The following MYO3B variants were observed in gnomAD, a reference collection of about 807,000 sequenced individuals.
MYO3B encodes myosin IIIB.
MYO3B carries 156 observed loss-of-function variants against 174.6 expected under a neutral mutation model. That is an observed-to-expected ratio of 0.89 (90% CI 0.78 to 1.02). The LOEUF (loss-of-function observed/expected upper bound fraction) is 1.02. MYO3B is among the 50% of genes least tolerant of loss of function. The pLI is 0.00. For synonymous variants in MYO3B, 563 were observed against 569.1 expected (o/e 0.99, Z 0.15); for missense variants, 1,632 against 1,639.4 (o/e 1.00, Z 0.08).
chr2:170,261,041 G>T (rs571968392), intron 7 of MYO3B, among the ~76,000 whole-genome samples: 1 of 151,824 alleles, frequency 6.6e-6, no homozygotes, highest in African/African-American at 2.4e-5. Context: ...TTTTTGTTTT[G>T]AGACGGAGTT....
chr2:170,460,006 C>T (rs1316970940), intron 23 of MYO3B, among the ~76,000 whole-genome samples: 2 of 152,210 alleles, frequency 1.3e-5, no homozygotes, highest in South Asian at 2.1e-4. Flanking sequence ...CGTACCTCTC[C>T]CTCTTTACCT....
intron 1 of MYO3B, among the ~76,000 whole-genome samples, chr2:170,179,714 C>G (rs1003746937): frequency 5.3e-5 from 8 of 152,126 alleles, no homozygotes; most frequent in African/African-American, 1.4e-4. Context: ...GCCAAATAAA[C>G]TTCTATTGTT....
At chr2:170,651,862 TA>T in intron 33 of MYO3B, 128 bp downstream of exon 33, 1 of 627,538 alleles carries the variant, frequency 1.6e-6, no homozygotes, top group Non-Finnish European at 2.7e-6. Flanking sequence ...AACATGTGCT[TA>T]GGCTCTTTAT....
At chr2:170,462,329 T>G (rs187406074) in intron 23 of MYO3B, among the ~76,000 whole-genome samples, 122 of 152,364 alleles carry the variant, frequency 8.0e-4, no homozygotes, top group African/African-American at 2.9e-3. Context: ...TTTGAAAACT[T>G]AGCTCCATGT....
chr2:170,544,019 T>C, intron 32 of MYO3B, 31 bp downstream of exon 32: 1 of 1,491,246 alleles, frequency 6.7e-7, no homozygotes, highest in Non-Finnish European at 9.3e-7. Context: ...TGCATGCGGC[T>C]TCTACCATTT....
intron 16 of MYO3B, among the ~76,000 whole-genome samples, chr2:170,396,854 G>A (rs1048987207): frequency 4.6e-5 from 7 of 152,180 alleles, no homozygotes; most frequent in African/African-American, 1.7e-4. Flanking sequence ...TTTGTGTGAT[G>A]TGTGTTTTAA....
chr2:170,557,543 T>C (rs1193155933), intron 32 of MYO3B, among the ~76,000 whole-genome samples: 1 of 152,186 alleles, frequency 6.6e-6, no homozygotes, highest in East Asian at 1.9e-4. Context: ...AATATACCTT[T>C]ATTCCTCATT....
At chr2:170,195,406 G>T (rs73025158) in intron 1 of MYO3B, among the ~76,000 whole-genome samples, 9,372 of 152,068 alleles carry the variant, frequency 0.062, 686 homozygotes, top group East Asian at 0.3. Context: ...GAGGAATTCA[G>T]CTTGGGGTGG....
chr2:170,300,072 C>G (rs1476850564), intron 7 of MYO3B, among the ~76,000 whole-genome samples: 2 of 152,154 alleles, frequency 1.3e-5, no homozygotes, highest in Non-Finnish European at 2.9e-5. Context: ...ATCCTCACAC[C>G]CGCTCTGAGA....
intron 32 of MYO3B, among the ~76,000 whole-genome samples, chr2:170,595,636 G>A (rs370649294): frequency 6.6e-6 from 1 of 152,062 alleles, no homozygotes; most frequent in African/African-American, 2.4e-5. Context: ...ATGGGGTCTC[G>A]TCATGTTGCC....
Position 170,652,994 on chromosome 2 carries a change from T to C in MYO3B, c.3899T>C (p.Val1300Ala). The change falls in exon 35 of 35, where the codon GTA (valine) becomes GCA (alanine). Residue 1300 changes from valine (V) to alanine (A), a missense_variant. Transcript: ENST00000408978. Reference sequence around the variant, plus strand: ...TTTCTTTGTTGCAGCCAAATCAAAGTACTTGATGGGGAAGATGAATATTAC... The same window carrying C: ...TTTCTTTGTTGCAGCCAAATCAAAGCACTTGATGGGGAAGATGAATATTAC... The part of the protein sequence containing the change: ...RKPRKLGQIK[V>A]LDGEDEYYKS... 9 of 1,614,030 alleles carry C rather than the reference T, an allele frequency of 5.6e-6. No homozygotes were observed. Among genetic ancestry groups the C allele is most frequent in the Non-Finnish European group, 7.6e-6 (9 of 1,179,968 alleles).
chr2:170,603,765 T>C (rs1694653737), intron 32 of MYO3B, among the ~76,000 whole-genome samples: 3 of 152,236 alleles, frequency 2.0e-5, no homozygotes, highest in South Asian at 2.1e-4. Flanking sequence ...TAGAAACTTG[T>C]TAACATAATG....
chr2:170,642,029 G>A (rs1271879064), intron 32 of MYO3B, among the ~76,000 whole-genome samples: 1 of 151,966 alleles, frequency 6.6e-6, no homozygotes, highest in African/African-American at 2.4e-5. Context: ...TCTTTGAAAC[G>A]CCTCTGGACA....
intron 1 of MYO3B, among the ~76,000 whole-genome samples, chr2:170,188,652 T>C (rs1319457360): frequency 4.6e-5 from 7 of 152,140 alleles, no homozygotes; most frequent in African/African-American, 1.7e-4. Context: ...GCAGTTACCA[T>C]GAGGCTTGCA....
At chr2:170,605,590 GCT>G (rs1367257713) in intron 32 of MYO3B, among the ~76,000 whole-genome samples, 1 of 152,170 alleles carries the variant, frequency 6.6e-6, no homozygotes, top group African/African-American at 2.4e-5. Context: ...GGGCACGGTG[GCT>G]CACGCCTGCA....
intron 29 of MYO3B, among the ~76,000 whole-genome samples, chr2:170,517,008 T>A (rs954661479): frequency 1.3e-5 from 2 of 152,224 alleles, no homozygotes; most frequent in Non-Finnish European, 2.9e-5. Flanking sequence ...GCAATTCATT[T>A]GCCAGAGAGA....
Position 170,653,205 on chromosome 2 carries a change from T to TA in MYO3B, c.*85dup. 6.5e-7 allele frequency: 1 copy of TA among 1,537,766 alleles called. No homozygotes were observed. Among genetic ancestry groups the TA allele is most frequent in the Non-Finnish European group, 8.9e-7 (1 of 1,118,220 alleles). ...CTGTCATTGCGTAAGAAAGCACTGATATGGGGTCAGCTTCTTTGGACATAT... is the reference window on the plus strand; with the variant it reads ...CTGTCATTGCGTAAGAAAGCACTGATAATGGGGTCAGCTTCTTTGGACATAT... On this transcript the variant is annotated 3_prime_UTR_variant, in exon 35 of 35. Transcript: ENST00000408978.
At chr2:170,341,841 A>G (rs2093978798) in intron 8 of MYO3B, among the ~76,000 whole-genome samples, 1 of 151,986 alleles carries the variant, frequency 6.6e-6, no homozygotes, top group Non-Finnish European at 1.5e-5. Context: ...AGATTACCTA[A>G]TAGATCATCT....
intron 6 of MYO3B, among the ~76,000 whole-genome samples, chr2:170,235,521 G>A (rs142084019): frequency 6.6e-6 from 1 of 152,294 alleles, no homozygotes; most frequent in Non-Finnish European, 1.5e-5. Context: ...TCTACTTTAT[G>A]TTAACCATGT....
Sources: gnomAD v4.1 joint callset for allele counts (sites outside exome capture counted in the v4.1 genomes callset) on GRCh38, gnomAD v4.1.1 for gene constraint, MANE v1.5 for transcripts, NCBI Gene and HGNC (gene_info 2026-07-23, HGNC 2026-07-21) for gene names.